Variants in FTL observed in about 807,000 individuals in gnomAD.
FTL encodes the protein ferritin light chain.
A neutral mutation model predicts 16.6 loss-of-function variants in FTL; 17 were observed. The ratio of observed to expected loss-of-function variants is 1.02; its 90% CI spans 0.70 to 1.53. The LOEUF (loss-of-function observed/expected upper bound fraction) is 1.53. Ranked by LOEUF, FTL falls within the 40% of genes most tolerant of loss-of-function variation. FTL has a pLI of 0.00. For synonymous variants in FTL, 73 were observed against 89.9 expected (o/e 0.81, Z 1.06); for missense variants, 186 against 226.1 (o/e 0.82, Z 1.14).
rs2038447578 is a variant in FTL, at chr19:48,965,906, A to G, written c.239A>G (p.Gln80Arg). 1.9e-6 allele frequency: 3 copies of G among 1,614,124 alleles called. No homozygotes were observed. The highest frequency in any genetic ancestry group is 2.5e-6 in the Non-Finnish European group (3 of 1,179,978). The change falls in exon 2 of 4, where the codon CAG becomes CGG. Residue 80 changes from glutamine to arginine, a missense_variant. Transcript: ENST00000331825. ...CAGCGTGGCGGCCGCGCTCTCTTCCAGGACATCAAGGTAACTAGTGTGTGG... is the reference window on the plus strand; with the variant it reads ...CAGCGTGGCGGCCGCGCTCTCTTCCGGGACATCAAGGTAACTAGTGTGTGG... ...QNQRGGRALF[Q>R]DIKKPAEDEW...
chr19:48,965,996 C>T (rs2038449129), intron 2 of FTL, 80 bp downstream of exon 2: 2 of 1,541,920 alleles, frequency 1.3e-6, no homozygotes, highest in African/African-American at 1.4e-5. Context: ...GCGTAGGTGT[C>T]GCGTGGGCTT....
At position 48,966,365 on chromosome 19, in the gene FTL, T is replaced by G. The variant is rs1349713226; in HGVS notation, c.334T>G (p.Leu112Val). The stretch of plus-strand genomic sequence containing the variant: ...GGAGAAAAAGCTGAACCAGGCCCTT[T>G]TGGATCTTCATGCCCTGGGTTCTGC... ...ALEKKLNQAL[L>V]DLHALGSART... is the part of the protein sequence containing the mutation. Residue 112 changes from leucine to valine, a missense_variant, in exon 3 of 4, where the codon TTG becomes GTG. Transcript: ENST00000331825. The G allele has an allele frequency of 6.2e-7, 1 of 1,614,176 alleles. No homozygotes were observed. Among genetic ancestry groups the G allele is most frequent in the Admixed American group, 1.7e-5 (1 of 60,020 alleles).
Position 48,966,784 on chromosome 19 carries a change from G to A in FTL, c.*49G>A. The A allele has an allele frequency of 6.3e-7, 1 of 1,599,572 alleles. No individual in the cohort carries two copies. Among genetic ancestry groups the A allele is most frequent in the Non-Finnish European group, 8.6e-7 (1 of 1,169,206 alleles). On this transcript the variant is annotated 3_prime_UTR_variant, in exon 4 of 4. Transcript: ENST00000331825. ...CTGAAGGGCCCCTTGCAAAGTAATA[G>A]GGCTTCTGCCTAAGCCTCTCCCTCC...
At chr19:48,965,675 G>C (rs1357549481) in intron 1 of FTL, 66 bp downstream of exon 1, 49 of 1,604,254 alleles carry the variant, frequency 3.1e-5, no homozygotes, top group Non-Finnish European at 3.8e-5. Context: ...CTCACTGCAC[G>C]CGCCAGCCTT....
In FTL at chr19:48,966,366, T is replaced by C. The variant is rs1389589066; in HGVS notation, c.335T>C (p.Leu112Ser). Residue 112 changes from leucine to serine, a missense_variant, in exon 3 of 4, where the codon TTG becomes TCG. Physicochemically the swap from Leu to Ser is moderately radical, Grantham distance 145. Coordinates refer to ENST00000331825, the MANE Select transcript of FTL (RefSeq NM_000146.4). ...GAGAAAAAGCTGAACCAGGCCCTTT[T>C]GGATCTTCATGCCCTGGGTTCTGCC... ...ALEKKLNQAL[L>S]DLHALGSART... is the part of the protein sequence containing the mutation. 1.9e-6 allele frequency: 3 copies of C among 1,614,184 alleles called. No individual in the cohort carries two copies. The highest frequency in any genetic ancestry group is 2.5e-6 in the Non-Finnish European group (3 of 1,180,008).
At chr19:48,966,497 C>T (rs2038457355) in intron 3 of FTL, 86 bp from the exon 4 acceptor site, 1 of 1,611,958 alleles carries the variant, frequency 6.2e-7, no homozygotes, top group African/African-American at 1.3e-5. Context: ...TCATTTCACA[C>T]CTGTCACATT....
chr19:48,966,486 C>T (rs2038457136), intron 3 of FTL, 80 bp downstream of exon 3: 2 of 1,612,808 alleles, frequency 1.2e-6, no homozygotes, highest in South Asian at 1.1e-5. Flanking sequence ...CCTTCAGAGC[C>T]TCATTTCACA....
intron 2 of FTL, 152 bp downstream of exon 2, chr19:48,966,068 T>C: frequency 8.2e-7 from 1 of 1,212,976 alleles, no homozygotes; most frequent in Non-Finnish European, 1.2e-6. Context: ...GCGCACCTCG[T>C]GCAGTGCCCA....
chr19:48,966,485 C>G, intron 3 of FTL, 79 bp downstream of exon 3: 1 of 1,612,596 alleles, frequency 6.2e-7, no homozygotes, highest in Non-Finnish European at 8.5e-7. Flanking sequence ...TCCTTCAGAG[C>G]CTCATTTCAC....
rs2038438727 is a variant in FTL, at chr19:48,965,365, G to A, written c.-143G>A. The A allele has an allele frequency of 5.7e-6, 4 of 705,456 alleles. No homozygotes were observed. The highest frequency in any genetic ancestry group is 1.0e-5 in the Non-Finnish European group (4 of 388,492). 43.7% of individuals were successfully genotyped at this position (705,456 alleles called of 1,614,324 possible). On this transcript the variant is annotated 5_prime_UTR_variant, in exon 1 of 4. Transcript: ENST00000331825. ...GCTTCAACAGTGTTTGGACGGAACAGATCCGGGGACTCTCTTCCAGCCTCC... is the reference window on the plus strand; with the variant it reads ...GCTTCAACAGTGTTTGGACGGAACAAATCCGGGGACTCTCTTCCAGCCTCC...
Position 48,966,408 on chromosome 19 carries a change from T to C in FTL, c.375+2T>C, listed in dbSNP as rs1371561306. The C allele has an allele frequency of 1.2e-6, 2 of 1,614,032 alleles. No homozygotes were observed. Among genetic ancestry groups the C allele is most frequent in the African/African-American group, 2.7e-5 (2 of 74,934 alleles). ...GGTTCTGCCCGCACGGACCCCCATG[T>C]ACGTACCCGCTGCATCCATGGCTAC... is the stretch of plus-strand genomic sequence containing the variant. On this transcript the variant is annotated splice_donor_variant, in intron 3 of 3. Coordinates refer to ENST00000331825, the MANE Select transcript of FTL (RefSeq NM_000146.4). LOFTEE classifies it high-confidence loss of function.
Position 48,966,268 on chromosome 19 carries a change from C to G in FTL, c.250-13C>G, listed in dbSNP as rs1425121688. The G allele has an allele frequency of 1.9e-6, 3 of 1,613,846 alleles. No homozygotes were observed. The highest frequency in any genetic ancestry group is 1.3e-5 in the African/African-American group (1 of 74,914). Reference sequence around the variant, plus strand: ...AGTGTGTGTATTCTGAGCCATTTCTCCCTTCTATATAGAAGCCAGCTGAAG... The same window carrying G: ...AGTGTGTGTATTCTGAGCCATTTCTGCCTTCTATATAGAAGCCAGCTGAAG... On this transcript the variant is annotated splice_polypyrimidine_tract_variant and intron_variant, in intron 2 of 3. Coordinates refer to ENST00000331825, the MANE Select transcript of FTL (RefSeq NM_000146.4).
In FTL at chr19:48,965,406, T is replaced by A; in HGVS notation, c.-102T>A. The A allele has an allele frequency of 1.2e-6, 1 of 807,874 alleles. No homozygotes were observed. The allele number at this position is 807,874 out of a possible 1,614,324, so 50.0% of individuals were successfully genotyped here. The stretch of plus-strand genomic sequence containing the variant: ...TCCAGCCTCCGACCGCCCTCCGATT[T>A]CCTCTCCGCTTGCAACCTCCGGGAC... On this transcript the variant is annotated 5_prime_UTR_variant, in exon 1 of 4. Transcript: ENST00000331825.
chr19:48,966,807 T>TC lies in FTL; in HGVS notation c.*74dup. The TC allele has an allele frequency of 6.6e-7, 1 of 1,504,132 alleles. No individual in the cohort carries two copies. The highest frequency in any genetic ancestry group is 2.3e-5 in the East Asian group (1 of 43,572). 93.2% of individuals were successfully genotyped at this position (1,504,132 alleles called of 1,614,324 possible). A position where few individuals can be genotyped will look rare whatever the true frequency, so the allele number is the denominator to read the frequency against. ...TAGGGCTTCTGCCTAAGCCTCTCCC[T>TC]CCAGCCAATAGGCAGCTTTCTTAAC... On this transcript the variant is annotated 3_prime_UTR_variant, in exon 4 of 4. Coordinates refer to ENST00000331825, the MANE Select transcript of FTL (RefSeq NM_000146.4).
Position 48,965,368 on chromosome 19 carries a change from C to T in FTL, c.-140C>T, listed in dbSNP as rs1472646346. ...TCAACAGTGTTTGGACGGAACAGAT[C>T]CGGGGACTCTCTTCCAGCCTCCGAC... is the stretch of plus-strand genomic sequence containing the variant. On this transcript the variant is annotated 5_prime_UTR_variant, in exon 1 of 4. Coordinates refer to ENST00000331825, the MANE Select transcript of FTL (RefSeq NM_000146.4). 2.8e-6 allele frequency: 2 copies of T among 708,012 alleles called. No homozygotes were observed. The highest frequency in any genetic ancestry group is 5.1e-6 in the Non-Finnish European group (2 of 390,246). The allele number at this position is 708,012 out of a possible 1,614,324, so 43.9% of individuals were successfully genotyped here.
chr19:48,966,453 C>T (rs1228518524), intron 3 of FTL, 47 bp downstream of exon 3: 37 of 1,614,034 alleles, frequency 2.3e-5, no homozygotes, highest in Non-Finnish European at 2.5e-5. Context: ...CCCCTCAAGC[C>T]TCTGCTCCCT....
Position 48,965,335 on chromosome 19 carries a change from C to G in FTL, c.-173C>G, listed in dbSNP as rs1053572388. ...CAGTTCGGCGGTCCCGCGGGTCTGT[C>G]TCTTGCTTCAACAGTGTTTGGACGG... is the stretch of plus-strand genomic sequence containing the variant. On this transcript the variant is annotated 5_prime_UTR_variant, in exon 1 of 4. Transcript: ENST00000331825. 3.0e-6 allele frequency: 2 copies of G among 663,130 alleles called. No homozygotes were observed. The highest frequency in any genetic ancestry group is 5.5e-6 in the Non-Finnish European group (2 of 361,722). 41.1% of individuals were successfully genotyped at this position (663,130 alleles called of 1,614,324 possible). A position where few individuals can be genotyped will look rare whatever the true frequency, so the allele number is the denominator to read the frequency against.
In FTL at chr19:48,965,720, C is replaced by T. The variant is rs750063150; in HGVS notation, c.103-50C>T. ...GTCGGGTAAACAGAGGGCGGAGTCC[C>T]CTTGGCCTCGCCTCCCGCTAACCAT... On this transcript the variant is annotated intron_variant, in intron 1 of 3. Transcript: ENST00000331825. 7 of 1,613,258 alleles carry T rather than the reference C, an allele frequency of 4.3e-6. No homozygotes were observed. The African/African-American group carries it at 6.7e-5, about 15-fold the overall frequency.
chr19:48,965,356 G>A lies in FTL; in HGVS notation c.-152G>A. The A allele has an allele frequency of 1.4e-6, 1 of 694,188 alleles. No individual in the cohort carries two copies. The highest frequency in any genetic ancestry group is 2.6e-6 in the Non-Finnish European group (1 of 381,258). 43.0% of individuals were successfully genotyped at this position (694,188 alleles called of 1,614,324 possible). On this transcript the variant is annotated 5_prime_UTR_variant, in exon 1 of 4. Transcript: ENST00000331825. ...CTGTCTCTTGCTTCAACAGTGTTTG[G>A]ACGGAACAGATCCGGGGACTCTCTT...
Sources: allele counts gnomAD v4.1 joint callset, GRCh38; gene constraint gnomAD v4.1.1; transcripts MANE v1.5; gene names NCBI Gene and HGNC (gene_info 2026-07-23, HGNC 2026-07-21).